VAV3: variants seen among roughly 807,000 people sequenced by gnomAD.
The protein encoded by VAV3 is guanine nucleotide exchange factor VAV3.
A neutral mutation model predicts 131.2 loss-of-function variants in VAV3; 94 were observed. That is an observed-to-expected ratio of 0.72 (90% CI 0.61 to 0.85). The LOEUF (loss-of-function observed/expected upper bound fraction) is 0.85. VAV3 is among the 40% of genes least tolerant of loss of function. The pLI is 0.00. For synonymous variants in VAV3, 349 were observed against 342.0 expected, an observed-to-expected ratio of 1.02 and a Z score of -0.22; for missense variants, 939 against 1,002.7, an observed-to-expected ratio of 0.94 and a Z score of 0.86.
chr1:107,868,167 A>G (rs1413466158), intron 2 of VAV3, among the ~76,000 whole-genome samples: 2 of 152,224 alleles, frequency 1.3e-5, no homozygotes, highest in African/African-American at 4.8e-5. Context: ...TTTAAGTCCC[A>G]TGGATGACAT....
At chr1:107,690,993 T>A (rs1180444414) in intron 17 of VAV3, among the ~76,000 whole-genome samples, 1 of 152,176 alleles carries the variant, frequency 6.6e-6, no homozygotes. Context: ...GTAAATTTTC[T>A]AAGAATAAGG....
intron 17 of VAV3, among the ~76,000 whole-genome samples, chr1:107,689,142 G>C (rs1019398343): frequency 1.3e-5 from 2 of 152,112 alleles, no homozygotes; most frequent in African/African-American, 4.8e-5. Context: ...ACGGCACTTG[G>C]AAAACTGGTG....
chr1:107,768,559 C>G (rs780674817), intron 6 of VAV3, 50 bp from the exon 7 acceptor site: 10 of 1,462,456 alleles, frequency 6.8e-6, no homozygotes. Context: ...TTGTCCTAAT[C>G]TATATAATAG....
chr1:107,798,859 A>G (rs954999601), intron 2 of VAV3, among the ~76,000 whole-genome samples: 1 of 151,972 alleles, frequency 6.6e-6, no homozygotes, highest in African/African-American at 2.4e-5. Flanking sequence ...AATTTTACTG[A>G]TAGGTATACA....
intron 2 of VAV3, among the ~76,000 whole-genome samples, chr1:107,873,789 C>T (rs1257789896): frequency 6.6e-6 from 1 of 152,086 alleles, no homozygotes; most frequent in Non-Finnish European, 1.5e-5. Flanking sequence ...TGGCAGGCAG[C>T]CTGATGCCTG....
chr1:107,938,213 T>A (rs1440460775), intron 1 of VAV3, among the ~76,000 whole-genome samples: 1 of 151,940 alleles, frequency 6.6e-6, no homozygotes, highest in East Asian at 1.9e-4. Flanking sequence ...GAGGAGGCGA[T>A]CCCCGAGCCA....
intron 15 of VAV3, among the ~76,000 whole-genome samples, chr1:107,742,281 A>G (rs532469738): frequency 6.6e-6 from 1 of 152,290 alleles, no homozygotes; most frequent in Admixed American, 6.5e-5. Context: ...TTACAGAGTA[A>G]AATTTCAAAT....
intron 2 of VAV3, among the ~76,000 whole-genome samples, chr1:107,796,730 T>A (rs1266237491): frequency 6.6e-6 from 1 of 150,944 alleles, no homozygotes; most frequent in African/African-American, 2.4e-5. Context: ...CATGACAGAG[T>A]CAATAAGTTA....
Position 107,749,498 on chromosome 1 carries a change from T to G in VAV3, c.1356A>C (p.Ile452=). 1 of 1,608,648 alleles carries G rather than the reference T, an allele frequency of 6.2e-7. No homozygotes were observed. The highest frequency in any genetic ancestry group is 8.5e-7 in the Non-Finnish European group (1 of 1,178,624). ...KEIIDLQQYK[I]ANNPTTDKEN... is the part of the protein sequence containing the mutation. ...CTTTATCGGTTGTAGGATTATTGGCTATCTTGTACTGCTGAAGATCTATTA... is the reference window on the plus strand; with the variant it reads ...CTTTATCGGTTGTAGGATTATTGGCGATCTTGTACTGCTGAAGATCTATTA... The change falls in exon 14 of 27, where the codon ATA becomes ATC. Residue 452 remains isoleucine (I), a synonymous_variant. Coordinates refer to ENST00000370056, the MANE Select transcript of VAV3 (RefSeq NM_006113.5).
chr1:107,949,368 T>A (rs1424398691), intron 1 of VAV3, among the ~76,000 whole-genome samples: 3 of 152,140 alleles, frequency 2.0e-5, no homozygotes, highest in African/African-American at 7.2e-5. Flanking sequence ...TGGAGTGCAG[T>A]GGCATGATCA....
chr1:107,709,749 G>A (rs1660665400), intron 15 of VAV3, among the ~76,000 whole-genome samples: 1 of 152,080 alleles, frequency 6.6e-6, no homozygotes, highest in Admixed American at 6.5e-5. Context: ...CCCTTCACTG[G>A]GCACTCATTC....
At chr1:107,920,387 T>C (rs1167345069) in intron 1 of VAV3, among the ~76,000 whole-genome samples, 2 of 152,120 alleles carry the variant, frequency 1.3e-5, no homozygotes, top group East Asian at 1.9e-4. Context: ...GGGACAAAAT[T>C]CTTCTCCCCT....
At chr1:107,674,250 G>T (rs377617523) in intron 19 of VAV3, among the ~76,000 whole-genome samples, 1 of 152,096 alleles carries the variant, frequency 6.6e-6, no homozygotes, top group East Asian at 1.9e-4. Flanking sequence ...AGTTCTGCTG[G>T]GTGTCATACA....
chr1:107,643,507 TCA>T (rs1655510392), intron 19 of VAV3, among the ~76,000 whole-genome samples: 1 of 152,130 alleles, frequency 6.6e-6, no homozygotes, highest in Non-Finnish European at 1.5e-5. Flanking sequence ...ATGGACAACC[TCA>T]CAGTCACTTA....
chr1:107,705,284 A>G (rs1395462653), intron 15 of VAV3, among the ~76,000 whole-genome samples: 2 of 151,648 alleles, frequency 1.3e-5, no homozygotes, highest in Non-Finnish European at 2.9e-5. Context: ...GGACATAGCA[A>G]CCTAATCCTC....
At chr1:107,808,996 T>G (rs910311138) in intron 2 of VAV3, among the ~76,000 whole-genome samples, 1 of 152,162 alleles carries the variant, frequency 6.6e-6, no homozygotes, top group African/African-American at 2.4e-5. Context: ...ATAACTTCCC[T>G]AGAAATAAGC....
At chr1:107,630,817 G>A (rs182428846) in intron 20 of VAV3, among the ~76,000 whole-genome samples, 330 of 152,200 alleles carry the variant, frequency 2.2e-3, no homozygotes, top group African/African-American at 6.0e-3. Flanking sequence ...GGATCAACCA[G>A]TACATGATTC....
At chr1:107,807,293 A>G (rs991001365) in intron 2 of VAV3, among the ~76,000 whole-genome samples, 1 of 152,202 alleles carries the variant, frequency 6.6e-6, no homozygotes, top group African/African-American at 2.4e-5. Flanking sequence ...AGCCACAGCA[A>G]CTTTCTTTTC....
At chr1:107,795,005 T>TGCAC (rs1666468189) in intron 2 of VAV3, among the ~76,000 whole-genome samples, 1 of 152,184 alleles carries the variant, frequency 6.6e-6, no homozygotes, top group Non-Finnish European at 1.5e-5. Flanking sequence ...GATGAAGTAT[T>TGCAC]GCACCTAGAA....
Sources: allele counts gnomAD v4.1 joint callset (sites outside exome capture counted in the v4.1 genomes callset), GRCh38; gene constraint gnomAD v4.1.1; transcripts MANE v1.5; gene names NCBI Gene and HGNC (gene_info 2026-07-23, HGNC 2026-07-21).